Variants in SPOCK3 observed in about 807,000 individuals in gnomAD.
SPOCK3 encodes the protein testican-3.
In SPOCK3, 30 loss-of-function variants were observed where a neutral mutation model predicts 56.6. The observed-to-expected ratio is 0.53, with a 90% CI of 0.40 to 0.72. The LOEUF (loss-of-function observed/expected upper bound fraction) is 0.72, where lower values mean the gene tolerates loss of function less well. Among genes scored for constraint, SPOCK3 ranks in the 30% least tolerant of loss-of-function variants. SPOCK3 has a pLI of 0.00. For synonymous variants in SPOCK3, 196 were observed against 183.3 expected (o/e 1.07, Z -0.56); for missense variants, 527 against 530.0 (o/e 0.99, Z 0.06).
At position 167,097,659 on chromosome 4, in the gene SPOCK3, A is replaced by C. The variant is rs531729832; in HGVS notation, c.190-35122T>G. On this transcript the variant is annotated intron_variant, in intron 2 of 10. Transcript: ENST00000357545. ...TGGGGTACAATTGTTCCTGTTACCT[A>C]GGTAGTGAGCCTATTGACCCAGAAA... Among the ~76,000 whole-genome samples, 3 of 151,984 alleles carry C rather than the reference A, an allele frequency of 2.0e-5. No individual in the cohort carries two copies. The South Asian group carries it at 6.2e-4, about 32-fold the overall frequency.
At chr4:166,860,802 C>CAT in intron 6 of SPOCK3, among the ~76,000 whole-genome samples, 2,118 of 101,922 alleles carry the variant, frequency 0.021, 107 homozygotes, top group South Asian at 0.063. Context: ...CACACAAATT[C>CAT]ATATATATAT....
At position 167,161,008 on chromosome 4, in the gene SPOCK3, C is replaced by A. The variant is rs79270582; in HGVS notation, c.189+72977G>T. Among the ~76,000 whole-genome samples the A allele has an allele frequency of 3.9e-3, 595 of 152,180 alleles. 1 individual carries two copies. Among genetic ancestry groups the A allele is most frequent in the Non-Finnish European group, 5.6e-3 (384 of 68,002 alleles). On this transcript the variant is annotated intron_variant, in intron 2 of 10. Transcript: ENST00000357545. ...GGCAAGGACTTCATGTCTAAAACAC[C>A]AAAAGCCATGGCAACAAAAGACAAA...
At chr4:166,993,810 A>G (rs1245908592) in intron 4 of SPOCK3, among the ~76,000 whole-genome samples, 1 of 152,138 alleles carries the variant, frequency 6.6e-6, no homozygotes, top group African/African-American at 2.4e-5. Flanking sequence ...TTGGGTTGGG[A>G]GGGGAGACTG....
chr4:166,737,051 G>C (rs566547023), intron 10 of SPOCK3, among the ~76,000 whole-genome samples: 35 of 152,088 alleles, frequency 2.3e-4, no homozygotes, highest in African/African-American at 8.2e-4. Context: ...TATTTCTTTG[G>C]CTGGTGAACC....
chr4:166,897,091 C>T (rs542680809), intron 5 of SPOCK3, among the ~76,000 whole-genome samples: 25 of 152,154 alleles, frequency 1.6e-4, no homozygotes, highest in East Asian at 5.8e-4. Flanking sequence ...TATCTCGAGA[C>T]TATTTTATTA....
At chr4:166,855,439 C>G (rs1730547435) in intron 6 of SPOCK3, among the ~76,000 whole-genome samples, 1 of 152,106 alleles carries the variant, frequency 6.6e-6, no homozygotes, top group Non-Finnish European at 1.5e-5. Flanking sequence ...GGGTTAGCAC[C>G]AGCTCCTGAT....
At chr4:166,940,613 A>G (rs1001578477) in intron 4 of SPOCK3, among the ~76,000 whole-genome samples, 8 of 151,588 alleles carry the variant, frequency 5.3e-5, no homozygotes, top group Non-Finnish European at 1.2e-4. Flanking sequence ...TGTAATAATA[A>G]AAAACCCCTA....
chr4:166,886,983 T>G (rs1234014146), intron 6 of SPOCK3, among the ~76,000 whole-genome samples: 2 of 152,156 alleles, frequency 1.3e-5, no homozygotes, highest in African/African-American at 2.4e-5. Flanking sequence ...AGAGGAGGAT[T>G]AGTTTAAATT....
chr4:166,998,028 T>A (rs935380778), intron 4 of SPOCK3, among the ~76,000 whole-genome samples: 6 of 152,172 alleles, frequency 3.9e-5, no homozygotes, highest in African/African-American at 1.4e-4. Context: ...TATTAGCCAT[T>A]TTTATTGATC....
At chr4:166,819,031 A>G (rs1744658676) in intron 6 of SPOCK3, among the ~76,000 whole-genome samples, 1 of 152,056 alleles carries the variant, frequency 6.6e-6, no homozygotes, top group Non-Finnish European at 1.5e-5. Flanking sequence ...TCCTGGTAAT[A>G]TTTGGACAAA....
intron 6 of SPOCK3, among the ~76,000 whole-genome samples, chr4:166,818,311 C>G (rs914935741): frequency 1.3e-5 from 2 of 151,792 alleles, no homozygotes; most frequent in Non-Finnish European, 2.9e-5. Context: ...TTAAATCTCT[C>G]AATATAGTGC....
chr4:167,079,517 T>C (rs1237224933), intron 2 of SPOCK3, among the ~76,000 whole-genome samples: 1 of 151,888 alleles, frequency 6.6e-6, no homozygotes, highest in Non-Finnish European at 1.5e-5. Context: ...ATAGACTAAA[T>C]ACACCAAGAA....
chr4:166,819,043 A>G (rs1744660078), intron 6 of SPOCK3, among the ~76,000 whole-genome samples: 1 of 152,074 alleles, frequency 6.6e-6, no homozygotes, highest in Non-Finnish European at 1.5e-5. Flanking sequence ...TTGGACAAAC[A>G]ATAAAGCAAA....
chr4:166,754,622 T>G lies in SPOCK3; in HGVS notation c.817A>C (p.Ile273Leu), dbSNP rs1005006532. 1.2e-6 allele frequency: 2 copies of G among 1,613,686 alleles called. No individual in the cohort carries two copies. The highest frequency in any genetic ancestry group is 1.7e-5 in the Admixed American group (1 of 59,936). ...CACTGTTCATTCTTATCAAGGTAAA[T>G]GCTTCTGAGCTCTGACTGGTCCAAT... ...LLLDQSELRS[I>L]YLDKNEQCTK... The change falls in exon 8 of 11, where the codon ATT (isoleucine) becomes CTT (leucine). Residue 273 changes from isoleucine (I) to leucine (L), a missense_variant. Transcript: ENST00000357545.
chr4:167,025,651 T>C (rs1368906742), intron 3 of SPOCK3, among the ~76,000 whole-genome samples: 1 of 152,024 alleles, frequency 6.6e-6, no homozygotes, highest in Non-Finnish European at 1.5e-5. Context: ...AAGAGTGTGT[T>C]ATCCCAAACT....
At chr4:166,803,585 T>C (rs184313829) in intron 6 of SPOCK3, among the ~76,000 whole-genome samples, 4 of 152,296 alleles carry the variant, frequency 2.6e-5, no homozygotes, top group Admixed American at 1.3e-4. Context: ...CTGCAAAACA[T>C]AGATAAATCA....
chr4:167,053,643 C>A (rs532115144), intron 3 of SPOCK3, among the ~76,000 whole-genome samples: 1 of 152,110 alleles, frequency 6.6e-6, no homozygotes, highest in African/African-American at 2.4e-5. Flanking sequence ...CGAGATCAGG[C>A]CACTGCACTC....
intron 2 of SPOCK3, among the ~76,000 whole-genome samples, chr4:167,107,341 G>A (rs1363224430): frequency 2.0e-5 from 3 of 151,838 alleles, no homozygotes; most frequent in African/African-American, 7.2e-5. Flanking sequence ...TACAAAGGTG[G>A]CTCAACATAC....
intron 2 of SPOCK3, among the ~76,000 whole-genome samples, chr4:167,133,900 A>G (rs1019107258): frequency 6.6e-6 from 1 of 152,190 alleles, no homozygotes. Flanking sequence ...ATAAATTTCA[A>G]ACAGAATCTG....
Sources: gnomAD v4.1 joint callset for allele counts (sites outside exome capture counted in the v4.1 genomes callset) on GRCh38, gnomAD v4.1.1 for gene constraint, MANE v1.5 for transcripts, NCBI Gene and HGNC (gene_info 2026-07-23, HGNC 2026-07-21) for gene names.